DPYD: variants seen among roughly 807,000 people sequenced by gnomAD.
DPYD encodes dihydropyrimidine dehydrogenase.
Under a neutral mutation model 116.2 loss-of-function variants are expected in DPYD, and 109 were observed. The observed-to-expected ratio is 0.94, with a 90% CI of 0.80 to 1.10. DPYD has a LOEUF of 1.10. Ranked by LOEUF, DPYD falls within the 50% of genes least tolerant of loss-of-function variation. DPYD has a pLI of 0.00. For missense variants in DPYD, 1,302 were observed against 1,254.5 expected (o/e 1.04, Z -0.57); for synonymous variants, 440 against 432.0 (o/e 1.02, Z -0.23).
chr1:97,217,139 C>T (rs921351674), intron 19 of DPYD, among the ~76,000 whole-genome samples: 12 of 151,958 alleles, frequency 7.9e-5, no homozygotes, highest in African/African-American at 2.9e-4. Flanking sequence ...ACACGGGAGG[C>T]GGAGGTTGCA....
chr1:97,471,987 G>A (rs530494227), intron 13 of DPYD, among the ~76,000 whole-genome samples: 1 of 152,204 alleles, frequency 6.6e-6, no homozygotes, highest in South Asian at 2.1e-4. Context: ...GACAGGTTTA[G>A]AGACTTAAAG....
chr1:97,408,916 T>C (rs1171727267), intron 14 of DPYD, among the ~76,000 whole-genome samples: 1 of 152,108 alleles, frequency 6.6e-6, no homozygotes, highest in African/African-American at 2.4e-5. Flanking sequence ...ACACTATTCA[T>C]TTGTCAGGGG....
intron 6 of DPYD, among the ~76,000 whole-genome samples, chr1:97,693,813 T>C (rs899653422): frequency 5.9e-5 from 9 of 152,114 alleles, no homozygotes; most frequent in Non-Finnish European, 1.3e-4. Flanking sequence ...AGGCCTACTC[T>C]TGGATTTTTA....
intron 19 of DPYD, among the ~76,000 whole-genome samples, chr1:97,206,492 A>C (rs970213720): frequency 6.6e-6 from 1 of 151,304 alleles, no homozygotes; most frequent in South Asian, 2.1e-4. Flanking sequence ...GATTAAGATC[A>C]CACAGCTACT....
intron 16 of DPYD, among the ~76,000 whole-genome samples, chr1:97,351,205 A>G (rs1670127125): frequency 6.6e-6 from 1 of 152,150 alleles, no homozygotes; most frequent in South Asian, 2.1e-4. Context: ...GTAATTAAAA[A>G]TTAGAAGTTT....
At chr1:97,703,188 G>C (rs1661708718) in intron 5 of DPYD, among the ~76,000 whole-genome samples, 1 of 151,932 alleles carries the variant, frequency 6.6e-6, no homozygotes, top group Non-Finnish European at 1.5e-5. Flanking sequence ...TTTAACAGGA[G>C]TTTGGATTAA....
chr1:97,891,878 T>C (rs1388230680), intron 1 of DPYD, among the ~76,000 whole-genome samples: 1 of 151,890 alleles, frequency 6.6e-6, no homozygotes, highest in Non-Finnish European at 1.5e-5. Context: ...TTCGAACTTA[T>C]AAACAAATTT....
chr1:97,920,723 G>C (rs1042548340), intron 1 of DPYD, among the ~76,000 whole-genome samples, 161 bp downstream of exon 1: 3 of 152,188 alleles, frequency 2.0e-5, no homozygotes, highest in African/African-American at 7.2e-5. Flanking sequence ...CGGGCCTGTG[G>C]CTCCGCGCTC....
intron 20 of DPYD, among the ~76,000 whole-genome samples, chr1:97,182,332 T>C (rs1232871587): frequency 6.6e-6 from 1 of 152,178 alleles, no homozygotes; most frequent in Non-Finnish European, 1.5e-5. Flanking sequence ...GTAGATTAAG[T>C]CTTCATAACA....
chr1:97,793,039 C>A (rs1667396538), intron 3 of DPYD, among the ~76,000 whole-genome samples: 1 of 152,138 alleles, frequency 6.6e-6, no homozygotes, highest in South Asian at 2.1e-4. Flanking sequence ...AATACTGGTT[C>A]ATTAATTTGA....
intron 16 of DPYD, among the ~76,000 whole-genome samples, chr1:97,337,752 GA>G (rs775487131): frequency 1.5e-3 from 227 of 151,480 alleles, no homozygotes; most frequent in Non-Finnish European, 2.0e-3. Context: ...TGTATTTCCA[GA>G]GACACTTTAA....
chr1:97,818,876 G>A (rs1668773851), intron 3 of DPYD, among the ~76,000 whole-genome samples: 1 of 151,882 alleles, frequency 6.6e-6, no homozygotes, highest in African/African-American at 2.4e-5. Flanking sequence ...GTGTGTGCCT[G>A]TGTATATAGG....
At chr1:97,241,161 A>G (rs1228949026) in intron 18 of DPYD, among the ~76,000 whole-genome samples, 1 of 151,972 alleles carries the variant, frequency 6.6e-6, no homozygotes, top group East Asian at 1.9e-4. Flanking sequence ...AATGCATTCA[A>G]TATGTTCCTA....
At chr1:97,162,615 A>C (rs1240806314) in intron 20 of DPYD, among the ~76,000 whole-genome samples, 1 of 151,190 alleles carries the variant, frequency 6.6e-6, no homozygotes, top group Non-Finnish European at 1.5e-5. Context: ...TTCTTCACAG[A>C]ATTGGAAAAA....
At chr1:97,515,585 A>AG (rs56080540) in intron 13 of DPYD, 141 bp downstream of exon 13, 2 of 754,810 alleles carry the variant, frequency 2.6e-6, no homozygotes, top group African/African-American at 3.5e-5. Flanking sequence ...GAAAGAAACT[A>AG]AAGATTAATG....
chr1:97,529,326 C>T (rs1649383242), intron 12 of DPYD, among the ~76,000 whole-genome samples: 2 of 152,080 alleles, frequency 1.3e-5, no homozygotes, highest in South Asian at 2.1e-4. Flanking sequence ...TGTCCAGGTG[C>T]TAGGAACACA....
chr1:97,208,521 A>G (rs1192502102), intron 19 of DPYD, among the ~76,000 whole-genome samples: 2 of 151,976 alleles, frequency 1.3e-5, no homozygotes, highest in Non-Finnish European at 2.9e-5. Context: ...CCTGGGCTTA[A>G]GCGATCCTCC....
At chr1:97,915,899 G>C (rs547613481) in intron 1 of DPYD, among the ~76,000 whole-genome samples, 1 of 152,054 alleles carries the variant, frequency 6.6e-6, no homozygotes, top group East Asian at 1.9e-4. Context: ...GATATTTTAC[G>C]ACAATCTTTT....
chr1:97,815,590 C>T (rs1242054066), intron 3 of DPYD, among the ~76,000 whole-genome samples: 1 of 152,178 alleles, frequency 6.6e-6, no homozygotes, highest in African/African-American at 2.4e-5. Flanking sequence ...TCTCACTGAA[C>T]AGACAGCAAG....
Sources: allele counts gnomAD v4.1 joint callset (sites outside exome capture counted in the v4.1 genomes callset), GRCh38; gene constraint gnomAD v4.1.1; transcripts MANE v1.5; gene names NCBI Gene and HGNC (gene_info 2026-07-23, HGNC 2026-07-21).